PLA2R1: variants seen among roughly 807,000 people sequenced by gnomAD.
PLA2R1 encodes phospholipase A2 receptor 1.
In PLA2R1, 158 loss-of-function variants were observed where a neutral mutation model predicts 195.9. The ratio of observed to expected loss-of-function variants is 0.81; its 90% confidence interval spans 0.71 to 0.92. The LOEUF (loss-of-function observed/expected upper bound fraction) is 0.92, where lower values mean the gene tolerates loss of function less well. PLA2R1 is among the 40% of genes least tolerant of loss of function. The pLI is 0.00. For synonymous variants in PLA2R1, 586 were observed against 598.2 expected (o/e 0.98, Z 0.30); for missense variants, 1,626 against 1,764.6 (o/e 0.92, Z 1.41).
Position 159,940,769 on chromosome 2 carries a change from T to C in PLA2R1, c.*1009A>G, listed in dbSNP as rs1250486758. The C allele has an allele frequency of 6.6e-6, 1 of 152,212 alleles. No individual in the cohort carries two copies. Among genetic ancestry groups the C allele is most frequent in the Non-Finnish European group, 1.5e-5 (1 of 68,028 alleles). The allele number at this position is 152,212 out of a possible 1,614,324, so 9.4% of individuals were successfully genotyped here. On this transcript the variant is annotated 3_prime_UTR_variant, in exon 30 of 30. Transcript: ENST00000283243. ...CGTTCCCAGAAAATAGTTTATTAAA[T>C]AGAACACCTAAACTCATTTACATAA...
chr2:159,924,756 A>T, the PLA2R1 span, among the ~76,000 whole-genome samples: 4 of 152,004 alleles, frequency 2.6e-5, no homozygotes, highest in Non-Finnish European at 5.9e-5. Flanking sequence ...GAACAAAAAT[A>T]AAAAAATAAA....
chr2:160,047,232 T>C (rs570629072), intron 1 of PLA2R1, among the ~76,000 whole-genome samples: 2 of 152,270 alleles, frequency 1.3e-5, no homozygotes, highest in South Asian at 2.1e-4. Context: ...TCTTTCCTCC[T>C]TGAACTGGGA....
At chr2:159,986,589 CTTT>C (rs113333927) in intron 12 of PLA2R1, among the ~76,000 whole-genome samples, 12 of 142,248 alleles carry the variant, frequency 8.4e-5, no homozygotes, top group Non-Finnish European at 7.7e-5. Flanking sequence ...CTTTTCTTTC[CTTT>C]TTTTTTTTTT....
intron 13 of PLA2R1, among the ~76,000 whole-genome samples, chr2:159,983,657 T>C (rs1156799454): frequency 2.0e-5 from 3 of 152,136 alleles, no homozygotes; most frequent in Non-Finnish European, 4.4e-5. Flanking sequence ...AGATAATTCC[T>C]GAGTTTGGCA....
At chr2:159,988,616 G>A (rs1471026834) in intron 11 of PLA2R1, among the ~76,000 whole-genome samples, 1 of 152,200 alleles carries the variant, frequency 6.6e-6, no homozygotes, top group Admixed American at 6.5e-5. Flanking sequence ...AGGCATGCTT[G>A]TAAAAAGAGA....
At chr2:160,059,641 T>C (rs1695820718) in intron 1 of PLA2R1, among the ~76,000 whole-genome samples, 1 of 152,118 alleles carries the variant, frequency 6.6e-6, no homozygotes, top group South Asian at 2.1e-4. Context: ...GAATACAGAA[T>C]TGTATTACTC....
intron 23 of PLA2R1, 77 bp downstream of exon 23, chr2:159,955,122 A>T: frequency 1.8e-6 from 2 of 1,090,612 alleles, no homozygotes. Context: ...CATTAGCTAC[A>T]CAGCTGTGTA....
At chr2:159,945,500 A>G (rs1687331834) in intron 27 of PLA2R1, among the ~76,000 whole-genome samples, 1 of 152,180 alleles carries the variant, frequency 6.6e-6, no homozygotes, top group African/African-American at 2.4e-5. Context: ...TTGCAATTTT[A>G]TCCATGTCCC....
intron 16 of PLA2R1, 117 bp downstream of exon 16, chr2:159,976,568 C>A: frequency 1.4e-6 from 1 of 699,468 alleles, no homozygotes. Context: ...TCTAGGTTGA[C>A]ACAAGAAAAG....
chr2:160,016,133 G>A (rs574824057), intron 9 of PLA2R1, among the ~76,000 whole-genome samples: 2 of 151,874 alleles, frequency 1.3e-5, no homozygotes, highest in Non-Finnish European at 1.5e-5. Flanking sequence ...GCGTAGTGGC[G>A]CACGCCTGTA....
chr2:160,028,488 G>GT (rs1558962188), intron 5 of PLA2R1, 127 bp from the exon 6 acceptor site: 1 of 704,416 alleles, frequency 1.4e-6, no homozygotes, highest in African/African-American at 1.8e-5. Flanking sequence ...CCTATAAGAT[G>GT]TTATCTATGA....
intron 27 of PLA2R1, chr2:159,945,882 T>A: frequency 1.1e-6 from 1 of 893,242 alleles, no homozygotes; most frequent in South Asian, 5.1e-5. Context: ...TGTTTCTTAA[T>A]GTGACAGTTT....
chr2:159,954,860 G>A (rs962377055), intron 23 of PLA2R1, among the ~76,000 whole-genome samples: 4 of 152,026 alleles, frequency 2.6e-5, no homozygotes, highest in African/African-American at 7.2e-5. Flanking sequence ...TTATTTCCTT[G>A]ATTCTTTCCC....
At chr2:160,009,386 T>G (rs1283281071) in intron 10 of PLA2R1, among the ~76,000 whole-genome samples, 1 of 152,086 alleles carries the variant, frequency 6.6e-6, no homozygotes, top group Non-Finnish European at 1.5e-5. Context: ...AAACAGAATT[T>G]CCAGAAACGA....
chr2:159,951,803 T>C (rs6432570), intron 23 of PLA2R1, among the ~76,000 whole-genome samples: 55,759 of 152,134 alleles, frequency 0.37, 12,877 homozygotes, highest in Non-Finnish European at 0.51. Context: ...TAAACATAGA[T>C]TGAACCATTT....
chr2:160,056,155 A>C (rs936093877), intron 1 of PLA2R1, among the ~76,000 whole-genome samples: 1 of 152,112 alleles, frequency 6.6e-6, no homozygotes, highest in Non-Finnish European at 1.5e-5. Flanking sequence ...CTTGAAATCA[A>C]CTGAATGTGT....
At chr2:160,044,453 A>G (rs1694739154) in intron 2 of PLA2R1, among the ~76,000 whole-genome samples, 1 of 152,026 alleles carries the variant, frequency 6.6e-6, no homozygotes, top group Non-Finnish European at 1.5e-5. Flanking sequence ...TTTTCCTTCC[A>G]CCGTCCTTTT....
intron 1 of PLA2R1, among the ~76,000 whole-genome samples, chr2:160,046,584 T>C (rs193222489): frequency 6.6e-6 from 1 of 152,200 alleles, no homozygotes; most frequent in Non-Finnish European, 1.5e-5. Flanking sequence ...CTTAAGATAC[T>C]GTTTCAAAAA....
intron 13 of PLA2R1, among the ~76,000 whole-genome samples, chr2:159,983,051 GT>G (rs1690069531): frequency 6.6e-6 from 1 of 152,142 alleles, no homozygotes; most frequent in Non-Finnish European, 1.5e-5. Flanking sequence ...AAACTCGGGG[GT>G]GGGGGGCTCA....
Sources: allele counts gnomAD v4.1 joint callset (sites outside exome capture counted in the v4.1 genomes callset), GRCh38; gene constraint gnomAD v4.1.1; transcripts MANE v1.5; gene names NCBI Gene and HGNC (gene_info 2026-07-23, HGNC 2026-07-21).